SIM2: variants seen among roughly 807,000 people sequenced by gnomAD.
The protein encoded by SIM2 is SIM bHLH transcription factor 2, also known as single-minded homolog 2.
Under a neutral mutation model 64.8 loss-of-function variants are expected in SIM2, and 28 were observed. The observed-to-expected ratio is 0.43, with a 90% CI of 0.32 to 0.59. The LOEUF (loss-of-function observed/expected upper bound fraction) is 0.59, where lower values mean the gene tolerates loss of function less well. Among genes scored for constraint, SIM2 ranks in the 20% least tolerant of loss-of-function variants. The probability of loss-of-function intolerance (pLI) is 0.07; values close to 1 mark genes in which losing one functional copy is unlikely to be tolerated. For missense variants in SIM2, 847 were observed against 871.4 expected, an observed-to-expected ratio of 0.97 and a Z score of 0.35; for synonymous variants, 408 against 391.1, an observed-to-expected ratio of 1.04 and a Z score of -0.51.
rs909900738 is a variant in SIM2 at position 36,699,539 on chromosome 21, G to A, written c.-208G>A. 1.5e-5 allele frequency: 6 copies of A among 387,470 alleles called. No homozygotes were observed. Among genetic ancestry groups the A allele is most frequent in the Non-Finnish European group, 2.7e-5 (6 of 220,180 alleles). The allele number at this position is 387,470 out of a possible 1,614,324, so 24.0% of individuals were successfully genotyped here. Reference sequence around the variant, plus strand: ...GGCTGCGCTCCGGGCAGCGGCGGGCGGCGCCGCCGGGTTGCTCGGAGCTCA... The same window carrying A: ...GGCTGCGCTCCGGGCAGCGGCGGGCAGCGCCGCCGGGTTGCTCGGAGCTCA... On this transcript the variant is annotated 5_prime_UTR_variant, in exon 1 of 11. Coordinates refer to ENST00000290399, the MANE Select transcript of SIM2 (RefSeq NM_005069.6). This position sits in a 1 kb window ranked among gnomAD's most constrained non-coding sequence, Gnocchi z 5.6.
At chr21:36,723,202 G>A (rs2088847571) in intron 5 of SIM2, 72 bp downstream of exon 5, 1 of 1,265,588 alleles carries the variant, frequency 7.9e-7, no homozygotes. Flanking sequence ...AGCGTCTGCA[G>A]AAAGGAAGGC....
Position 36,699,646 on chromosome 21 carries a change from G to T in SIM2, c.-101G>T. 1 of 1,382,130 alleles carries T rather than the reference G, an allele frequency of 7.2e-7. No individual in the cohort carries two copies. Among genetic ancestry groups the T allele is most frequent in the South Asian group, 1.4e-5 (1 of 70,758 alleles). The allele number at this position is 1,382,130 out of a possible 1,614,324, so 85.6% of individuals were successfully genotyped here. A position where few individuals can be genotyped will look rare whatever the true frequency, so the allele number is the denominator to read the frequency against. On this transcript the variant is annotated 5_prime_UTR_variant, in exon 1 of 11. Transcript: ENST00000290399. This position sits in a 1 kb window ranked among gnomAD's most constrained non-coding sequence, Gnocchi z 5.6. The stretch of plus-strand genomic sequence containing the variant: ...CGCGGCCCACTCCGCGGACTCACCT[G>T]GCTCCCGGCTCCCCCTTCCCCATCC...
chr21:36,746,272 A>G (rs1472541769), intron 10 of SIM2: 1 of 159,800 alleles, frequency 6.3e-6, no homozygotes. Flanking sequence ...CTAAGATCAC[A>G]TCACTGCACT....
intron 3 of SIM2, among the ~76,000 whole-genome samples, chr21:36,718,751 T>A (rs1053956741): frequency 6.6e-6 from 1 of 152,080 alleles, no homozygotes; most frequent in African/African-American, 2.4e-5. Flanking sequence ...CACTATTGAT[T>A]ATAGCTCTAA....
intron 6 of SIM2, among the ~76,000 whole-genome samples, chr21:36,729,067 CT>C (rs1486328502): frequency 6.6e-6 from 1 of 152,178 alleles, no homozygotes; most frequent in African/African-American, 2.4e-5. Flanking sequence ...GGGAGGGCAC[CT>C]TGCCAAACCC....
intron 3 of SIM2, among the ~76,000 whole-genome samples, chr21:36,717,413 G>C (rs2088761144): frequency 1.3e-5 from 2 of 150,568 alleles, no homozygotes; most frequent in South Asian, 2.1e-4. Context: ...TGTTGAAATT[G>C]TGAGTCACTA....
At chr21:36,710,619 G>C (rs535427260) in intron 2 of SIM2, 1 of 152,060 alleles carries the variant, frequency 6.6e-6, no homozygotes, top group African/African-American at 2.4e-5. Flanking sequence ...AAAAATGTTG[G>C]CTGCAGGACG....
At chr21:36,744,374 CGGAAGGAA>C (rs746300881) in intron 9 of SIM2, among the ~76,000 whole-genome samples, 2 of 102,054 alleles carry the variant, frequency 2.0e-5, no homozygotes, top group African/African-American at 3.8e-5. Flanking sequence ...GAAGGAAAGA[CGGAAGGAA>C]GGAAGGAAGG....
intron 2 of SIM2, among the ~76,000 whole-genome samples, chr21:36,710,821 TAA>T (rs2088665111): frequency 1.3e-5 from 2 of 152,154 alleles, no homozygotes; most frequent in Non-Finnish European, 2.9e-5. Flanking sequence ...CCGCGGCGAG[TAA>T]TGGCGCTCTG....
At chr21:36,738,124 G>A (rs1262112436) in intron 7 of SIM2, among the ~76,000 whole-genome samples, 1 of 152,028 alleles carries the variant, frequency 6.6e-6, no homozygotes, top group East Asian at 1.9e-4. Flanking sequence ...GCATCTCTTG[G>A]TTATTTTGGA....
intron 1 of SIM2, among the ~76,000 whole-genome samples, chr21:36,707,856 T>G (rs2088607669): frequency 1.3e-5 from 2 of 151,860 alleles, no homozygotes; most frequent in Admixed American, 1.3e-4. Context: ...GCTGGTCAGG[T>G]TCCCCGTCCC....
rs2089304051 is a variant in SIM2, at chr21:36,749,541, G to A, written c.*1449G>A. 6.6e-6 allele frequency: 1 copy of A among 151,084 alleles called. No homozygotes were observed. Among genetic ancestry groups the A allele is most frequent in the Admixed American group, 6.6e-5 (1 of 15,132 alleles). 9.4% of individuals were successfully genotyped at this position (151,084 alleles called of 1,614,324 possible). ...TCTGTCAGTGGGCCTCATGGTAAGAGTCACAATTTGCAAATTTAGGACCGT... is the reference window on the plus strand; with the variant it reads ...TCTGTCAGTGGGCCTCATGGTAAGAATCACAATTTGCAAATTTAGGACCGT... On this transcript the variant is annotated 3_prime_UTR_variant, in exon 11 of 11. Transcript: ENST00000290399.
intron 1 of SIM2, among the ~76,000 whole-genome samples, chr21:36,700,751 C>G (rs867209267): frequency 9.2e-5 from 14 of 152,346 alleles, no homozygotes; most frequent in Middle Eastern, 3.4e-3. Flanking sequence ...GAGACCCGCC[C>G]CCGCCGTTGC....
chr21:36,701,823 T>G (rs1203490080), intron 1 of SIM2, among the ~76,000 whole-genome samples: 2 of 152,190 alleles, frequency 1.3e-5, no homozygotes, highest in Non-Finnish European at 2.9e-5. Context: ...TGGTGGTAAC[T>G]GGTTTGCTGG....
chr21:36,720,936 AAAG>A (rs1298422681), intron 4 of SIM2, among the ~76,000 whole-genome samples: 2 of 152,220 alleles, frequency 1.3e-5, no homozygotes, highest in Non-Finnish European at 2.9e-5. Flanking sequence ...ACAAAATGCA[AAAG>A]AAGAGGCTTT....
Position 36,731,106 on chromosome 21 carries a change from G to A in SIM2, c.805G>A (p.Val269Met), listed in dbSNP as rs1015671494. ...DLIEKTLYHH[V>M]HGCDVFHLRY... Reference sequence around the variant, plus strand: ...GATCGAGAAGACCCTATACCATCACGTGCACGGCTGCGACGTGTTCCACCT... The same window carrying A: ...GATCGAGAAGACCCTATACCATCACATGCACGGCTGCGACGTGTTCCACCT... Residue 269 changes from valine to methionine, a missense_variant, in exon 7 of 11, where the codon GTG becomes ATG. Val to Met is a conservative substitution (Grantham distance 21). Around this residue, in one of 3 missense-constraint regions of SIM2, gnomAD observed 397 missense variants for 439.2 expected, o/e 0.90. Coordinates refer to ENST00000290399, the MANE Select transcript of SIM2 (RefSeq NM_005069.6). 11 of 1,614,040 alleles carry A rather than the reference G, an allele frequency of 6.8e-6. No homozygotes were observed. Among genetic ancestry groups the A allele is most frequent in the Admixed American group, 1.7e-5 (1 of 60,024 alleles).
intron 7 of SIM2, among the ~76,000 whole-genome samples, chr21:36,732,441 G>A (rs1601704118): frequency 6.6e-6 from 1 of 152,232 alleles, no homozygotes; most frequent in East Asian, 1.9e-4. Flanking sequence ...CAGGCCCGCA[G>A]GCCGCTAGGT....
At chr21:36,731,346 C>T (rs574567165) in intron 7 of SIM2, among the ~76,000 whole-genome samples, 195 bp downstream of exon 7, 3 of 152,298 alleles carry the variant, frequency 2.0e-5, no homozygotes, top group Admixed American at 6.5e-5. Flanking sequence ...CAAGCAGCCA[C>T]GCGCACCCTT....
Position 36,747,355 on chromosome 21 carries a change from A to AG in SIM2, c.1577-310_1577-309insG, listed in dbSNP as rs2089242103. Among the ~76,000 whole-genome samples, 3 of 152,210 alleles carry AG rather than the reference A, an allele frequency of 2.0e-5. No homozygotes were observed. The South Asian group carries it at 6.2e-4, about 32-fold the overall frequency. ...TGCATCTCAGGACCAAAAAAAAAAA[A>AG]AAGAAAATATCCCAATAATTGTTTC... On this transcript the variant is annotated intron_variant, in intron 10 of 10. Coordinates refer to ENST00000290399, the MANE Select transcript of SIM2 (RefSeq NM_005069.6). This position sits in a 1 kb window ranked among gnomAD's most constrained non-coding sequence, Gnocchi z 4.5.
Sources: gnomAD v4.1 joint callset for allele counts (sites outside exome capture counted in the v4.1 genomes callset) on GRCh38, gnomAD v4.1.1 for gene constraint, gnomAD v4.1.1 regional missense constraint, Gnocchi (gnomAD v3.1) non-coding constraint, MANE v1.5 for transcripts, NCBI Gene and HGNC (gene_info 2026-07-23, HGNC 2026-07-21) for gene names.